SEMA3A: variants seen among roughly 807,000 people sequenced by gnomAD.
The protein encoded by SEMA3A is semaphorin 3A.
In SEMA3A, 29 loss-of-function variants were observed where a neutral mutation model predicts 97.9. The observed-to-expected ratio is 0.30, with a 90% CI of 0.22 to 0.40. The LOEUF is 0.40. Among genes scored for constraint, SEMA3A ranks in the 10% least tolerant of loss-of-function variants. The pLI is 1.00. For missense variants in SEMA3A, 763 were observed against 951.3 expected (o/e 0.80, Z 2.60); for synonymous variants, 321 against 323.7 (o/e 0.99, Z 0.09).
chr7:84,066,668 A>G (rs1793514721), intron 4 of SEMA3A, among the ~76,000 whole-genome samples: 1 of 150,848 alleles, frequency 6.6e-6, no homozygotes, highest in South Asian at 2.1e-4. Context: ...ACTCCCATTC[A>G]CAATTGCTTC....
At chr7:84,456,364 A>T (rs1163059565) in intron 1 of SEMA3A, among the ~76,000 whole-genome samples, 1 of 151,686 alleles carries the variant, frequency 6.6e-6, no homozygotes, top group African/African-American at 2.4e-5. Flanking sequence ...AATTCATAGT[A>T]CTCTTGGAAT....
At chr7:84,101,085 A>T (rs1393151115) in intron 4 of SEMA3A, among the ~76,000 whole-genome samples, 1 of 152,156 alleles carries the variant, frequency 6.6e-6, no homozygotes, top group East Asian at 1.9e-4. Flanking sequence ...ATGGAACCCT[A>T]TGATGTCATT....
intron 1 of SEMA3A, among the ~76,000 whole-genome samples, chr7:84,136,960 A>AGAAGGAAGGAAGGAAGGAAGGAAGGAAG (rs201748268): frequency 3.5e-4 from 49 of 141,208 alleles, no homozygotes; most frequent in African/African-American, 1.1e-3. Context: ...GAGGGAGGGA[A>AGAAGGAAGGAAGGAAGGAAGGAAGGAAG]GAAGGAAGGA....
chr7:84,300,439 A>T (rs1435335953), intron 3 of SEMA3A, among the ~76,000 whole-genome samples: 1 of 152,136 alleles, frequency 6.6e-6, no homozygotes, highest in Non-Finnish European at 1.5e-5. Context: ...TCAGTGATAA[A>T]AATAAAATTC....
intron 3 of SEMA3A, among the ~76,000 whole-genome samples, chr7:84,280,741 T>C (rs1800421622): frequency 6.6e-6 from 1 of 152,042 alleles, no homozygotes; most frequent in African/African-American, 2.4e-5. Flanking sequence ...AGATCGCCAC[T>C]GCACTCCAGC....
chr7:84,068,484 A>G (rs1330980926), intron 4 of SEMA3A, among the ~76,000 whole-genome samples: 1 of 151,912 alleles, frequency 6.6e-6, no homozygotes, highest in African/African-American at 2.4e-5. Context: ...AAAAGGAAAC[A>G]TAAAAGACCT....
At chr7:84,089,853 T>G (rs1794508268) in intron 4 of SEMA3A, among the ~76,000 whole-genome samples, 1 of 151,974 alleles carries the variant, frequency 6.6e-6, no homozygotes, top group South Asian at 2.1e-4. Context: ...GACTAAATTT[T>G]AAAGGTTATG....
At chr7:84,057,751 GATAA>G (rs71297135) in intron 5 of SEMA3A, among the ~76,000 whole-genome samples, 1,658 of 142,702 alleles carry the variant, frequency 0.012, 12 homozygotes, top group South Asian at 0.018. Context: ...GACAGAGCAA[GATAA>G]ATAAATAAAT....
chr7:84,191,417 G>A (rs1798034871), intron 1 of SEMA3A, among the ~76,000 whole-genome samples: 1 of 151,594 alleles, frequency 6.6e-6, no homozygotes, highest in Non-Finnish European at 1.5e-5. Context: ...CAAAACTGAA[G>A]CACATAGTGT....
intron 1 of SEMA3A, among the ~76,000 whole-genome samples, chr7:84,404,514 C>A (rs991991669): frequency 1.7e-4 from 26 of 152,066 alleles, no homozygotes; most frequent in African/African-American, 5.3e-4. Flanking sequence ...GCAAGGCAGG[C>A]CAAAATTCAA....
At chr7:84,438,578 T>G (rs192657761) in intron 1 of SEMA3A, among the ~76,000 whole-genome samples, 72 of 152,210 alleles carry the variant, frequency 4.7e-4, no homozygotes, top group African/African-American at 1.7e-3. Context: ...TTATGTGAAT[T>G]ATCAAAGATT....
At chr7:84,055,216 C>A (rs1485223406) in intron 5 of SEMA3A, among the ~76,000 whole-genome samples, 42 of 152,326 alleles carry the variant, frequency 2.8e-4, no homozygotes, top group African/African-American at 1.0e-3. Flanking sequence ...CCTCCTTGAG[C>A]TGTGGTGGGC....
At chr7:84,227,735 G>A (rs1799022269) in intron 3 of SEMA3A, among the ~76,000 whole-genome samples, 2 of 151,978 alleles carry the variant, frequency 1.3e-5, no homozygotes, top group Non-Finnish European at 2.9e-5. Context: ...TGATTTGAAT[G>A]GAACTGAAAT....
At chr7:84,113,955 G>T (rs1332414334) in intron 3 of SEMA3A, among the ~76,000 whole-genome samples, 2 of 151,988 alleles carry the variant, frequency 1.3e-5, no homozygotes, top group Non-Finnish European at 2.9e-5. Context: ...TATGTATAAA[G>T]ATATTACCTG....
At chr7:84,429,270 C>A (rs1216530389) in intron 1 of SEMA3A, among the ~76,000 whole-genome samples, 1 of 151,524 alleles carries the variant, frequency 6.6e-6, no homozygotes, top group African/African-American at 2.4e-5. Context: ...TGCTTTTCCA[C>A]CAACTTTCTT....
intron 4 of SEMA3A, among the ~76,000 whole-genome samples, chr7:84,080,559 C>CTTTTTTTTT (rs1050053968): frequency 8.4e-5 from 1 of 11,902 alleles, no homozygotes; most frequent in Non-Finnish European, 1.4e-4. Flanking sequence ...GCTTATAATT[C>CTTTTTTTTT]TTTTTTTTTT....
chr7:84,324,534 A>C (rs578219032), intron 2 of SEMA3A, among the ~76,000 whole-genome samples: 116 of 152,320 alleles, frequency 7.6e-4, no homozygotes, highest in African/African-American at 2.6e-3. Flanking sequence ...AACAAAACAA[A>C]TGCTGTTTTG....
chr7:84,190,746 C>T (rs1156552115), intron 1 of SEMA3A, among the ~76,000 whole-genome samples: 1 of 147,744 alleles, frequency 6.8e-6, no homozygotes, highest in Admixed American at 6.8e-5. Context: ...TACACACACA[C>T]ATATATATAA....
At chr7:84,023,195 C>A (rs1791390782) in intron 6 of SEMA3A, among the ~76,000 whole-genome samples, 3 of 152,152 alleles carry the variant, frequency 2.0e-5, no homozygotes, top group Admixed American at 2.0e-4. Flanking sequence ...TGGCACAGGA[C>A]ACGCGGCTGC....
Sources: gnomAD v4.1 joint callset for allele counts (sites outside exome capture counted in the v4.1 genomes callset) on GRCh38, gnomAD v4.1.1 for gene constraint, MANE v1.5 for transcripts, NCBI Gene and HGNC (gene_info 2026-07-23, HGNC 2026-07-21) for gene names.